The following PDE6C variants were observed in gnomAD, a reference collection of about 807,000 sequenced individuals.
PDE6C encodes phosphodiesterase 6C, also known as cone cGMP-specific 3',5'-cyclic phosphodiesterase subunit alpha'.
PDE6C carries 75 observed loss-of-function variants against 113.1 expected under a neutral mutation model. The ratio of observed to expected loss-of-function variants is 0.66; its 90% CI spans 0.55 to 0.80. The LOEUF is 0.80. PDE6C is among the 30% of genes least tolerant of loss of function. The pLI is 0.00. For missense variants in PDE6C, 912 were observed against 1,038.6 expected (o/e 0.88, Z 1.67); for synonymous variants, 375 against 363.7 (o/e 1.03, Z -0.35).
intron 14 of PDE6C, among the ~76,000 whole-genome samples, chr10:93,643,713 T>C (rs2058570332): frequency 7.0e-6 from 1 of 143,014 alleles, no homozygotes; most frequent in South Asian, 2.3e-4. Flanking sequence ...TTTTTTTTTT[T>C]CACTAAATCA....
At position 93,612,639 on chromosome 10, in the gene PDE6C, A is replaced by T; in HGVS notation, c.-87A>T. On this transcript the variant is annotated 5_prime_UTR_variant, in exon 1 of 22. Transcript: ENST00000371447. ...TACGGTTTCCTCAGTAATTTCCACC[A>T]GGATGAATTTCCTTCTCATCACTCT... 6.3e-7 allele frequency: 1 copy of T among 1,576,498 alleles called. No individual in the cohort carries two copies. Among genetic ancestry groups the T allele is most frequent in the Non-Finnish European group, 8.7e-7 (1 of 1,150,854 alleles).
chr10:93,616,589 A>G (rs1053634041), intron 1 of PDE6C, among the ~76,000 whole-genome samples: 1 of 151,552 alleles, frequency 6.6e-6, no homozygotes, highest in Non-Finnish European at 1.5e-5. Flanking sequence ...GGAGCTGGAT[A>G]TGGTTGGCCA....
chr10:93,634,729 A>G (rs1192497247), intron 8 of PDE6C, 29 bp from the exon 9 acceptor site: 1 of 1,613,588 alleles, frequency 6.2e-7, no homozygotes, highest in Admixed American at 1.7e-5. Flanking sequence ...AAGGCAAAAA[A>G]ATAACTTGAG....
At chr10:93,656,486 A>G (rs2058638304) in intron 16 of PDE6C, among the ~76,000 whole-genome samples, 1 of 152,192 alleles carries the variant, frequency 6.6e-6, no homozygotes, top group African/African-American at 2.4e-5. Context: ...TGAACTAGTT[A>G]TAGGATGGAA....
At chr10:93,627,045 C>T (rs2134599567) in intron 7 of PDE6C, among the ~76,000 whole-genome samples, 174 bp downstream of exon 7, 1 of 152,022 alleles carries the variant, frequency 6.6e-6, no homozygotes, top group Admixed American at 6.5e-5. Flanking sequence ...GGCGAATCAT[C>T]TGAGGTCAGG....
At chr10:93,633,481 T>TA (rs1242042206) in intron 8 of PDE6C, among the ~76,000 whole-genome samples, 28 of 135,762 alleles carry the variant, frequency 2.1e-4, no homozygotes, top group Non-Finnish European at 2.9e-4. Context: ...AAAAAAAAAA[T>TA]AAAAAAAAAT....
At chr10:93,621,288 G>T (rs1290669942) in intron 3 of PDE6C, among the ~76,000 whole-genome samples, 1 of 152,174 alleles carries the variant, frequency 6.6e-6, no homozygotes, top group African/African-American at 2.4e-5. Flanking sequence ...TCAGATGGTT[G>T]TTGTGACTAT....
At chr10:93,619,125 T>C (rs773667313) in intron 1 of PDE6C, among the ~76,000 whole-genome samples, 1 of 152,208 alleles carries the variant, frequency 6.6e-6, no homozygotes, top group Non-Finnish European at 1.5e-5. Flanking sequence ...AAATGATAAC[T>C]AATAAGATAA....
At chr10:93,652,648 G>A (rs1161061114) in intron 15 of PDE6C, among the ~76,000 whole-genome samples, 1 of 152,012 alleles carries the variant, frequency 6.6e-6, no homozygotes, top group Non-Finnish European at 1.5e-5. Flanking sequence ...TATTATTTTG[G>A]ATTGGAAAAA....
Position 93,654,790 on chromosome 10 carries a change from CTTTCTTTCTTTCTTTCTTTCT to C in PDE6C, c.1936-966_1936-946del, listed in dbSNP as rs1462756211. The stretch of plus-strand genomic sequence containing the variant: ...TCTTTCTTTCTTTCTTTCTTTCTTT[CTTTCTTTCTTTCTTTCTTTCT>C]TTTTTTTTTTTTTTGAAACAGGGTC... On this transcript the variant is annotated intron_variant, in intron 15 of 21. Transcript: ENST00000371447. Among the ~76,000 whole-genome samples, 91 of 69,100 alleles carry C rather than the reference CTTTCTTTCTTTCTTTCTTTCT, an allele frequency of 1.3e-3. 1 individual carries two copies. Among genetic ancestry groups the C allele is most frequent in the East Asian group, 8.5e-3 (12 of 1,420 alleles). 45.3% of individuals were successfully genotyped at this position (69,100 alleles called of 152,430 possible). A position where few individuals can be genotyped will look rare whatever the true frequency, so the allele number is the denominator to read the frequency against.
In PDE6C at chr10:93,665,577, G is replaced by T; in HGVS notation, c.*159G>T. On this transcript the variant is annotated 3_prime_UTR_variant, in exon 22 of 22. Coordinates refer to ENST00000371447, the MANE Select transcript of PDE6C (RefSeq NM_006204.4). ...TATATTGCTAGCCCAAAAATCCCAG[G>T]GGCAAAATAAAGTTCAACAAAAGTG... 1.6e-6 allele frequency: 1 copy of T among 613,804 alleles called. No individual in the cohort carries two copies. The highest frequency in any genetic ancestry group is 2.9e-6 in the Non-Finnish European group (1 of 347,734). 38.0% of individuals were successfully genotyped at this position (613,804 alleles called of 1,614,324 possible).
chr10:93,646,183 G>GA, intron 15 of PDE6C, 136 bp downstream of exon 15: 1 of 642,054 alleles, frequency 1.6e-6, no homozygotes, highest in African/African-American at 1.8e-5. Flanking sequence ...TCAATTGATA[G>GA]AAATTGCTAT....
chr10:93,612,960 G>T lies in PDE6C; in HGVS notation c.235G>T (p.Gly79Trp). The T allele has an allele frequency of 2.5e-6, 4 of 1,613,992 alleles. No individual in the cohort carries two copies. Among genetic ancestry groups the T allele is most frequent in the Non-Finnish European group, 3.4e-6 (4 of 1,179,982 alleles). Residue 79 changes from glycine (G) to tryptophan (W), a missense_variant, in exon 1 of 22, where the codon GGG (glycine) becomes TGG (tryptophan). Gly to Trp is a radical substitution (Grantham distance 184). Transcript: ENST00000371447. ...GGAGGAGGGGGGCACCCCAGAGCAG[G>T]GGGTTCACAGGGCCCTGCAGAGGCT... ...VQEEGGTPEQ[G>W]VHRALQRLAH...
chr10:93,659,618 G>A (rs924034272), intron 18 of PDE6C, among the ~76,000 whole-genome samples: 6 of 152,180 alleles, frequency 3.9e-5, no homozygotes, highest in East Asian at 1.9e-4. Context: ...AAGAGAGAGC[G>A]TGTGCAGGGG....
At chr10:93,636,267 T>TG (rs913952765) in intron 10 of PDE6C, among the ~76,000 whole-genome samples, 2 of 152,126 alleles carry the variant, frequency 1.3e-5, no homozygotes, top group Non-Finnish European at 2.9e-5. Flanking sequence ...TTATAGATGA[T>TG]GGGGGAGCAA....
chr10:93,632,037 C>T (rs2058504162), intron 8 of PDE6C, among the ~76,000 whole-genome samples: 1 of 152,174 alleles, frequency 6.6e-6, no homozygotes, highest in African/African-American at 2.4e-5. Flanking sequence ...ATCTCCTTGC[C>T]TTTTCCAGCT....
intron 10 of PDE6C, among the ~76,000 whole-genome samples, 161 bp from the exon 11 acceptor site, chr10:93,636,834 C>G (rs953568062): frequency 1.3e-5 from 2 of 152,138 alleles, no homozygotes; most frequent in East Asian, 1.9e-4. Context: ...GTGGTGCCAT[C>G]ATAGCTCACT....
In PDE6C at chr10:93,661,916, C is replaced by T. The variant is rs60863849; in HGVS notation, c.2209-143C>T. The T allele has an allele frequency of 4.5e-3, 3,123 of 700,420 alleles. 77 individuals are homozygous for T. In the African/African-American group the frequency reaches 0.049, roughly 11 times the overall value. The allele number at this position is 700,420 out of a possible 1,614,324, so 43.4% of individuals were successfully genotyped here. A position where few individuals can be genotyped will look rare whatever the true frequency, so the allele number is the denominator to read the frequency against. Reference sequence around the variant, plus strand: ...TTTCAATATAATCTGTAAATGACCTCTTTTTAAAAGTTAAGAGCATACGGT... The same window carrying T: ...TTTCAATATAATCTGTAAATGACCTTTTTTTAAAAGTTAAGAGCATACGGT... On this transcript the variant is annotated intron_variant, in intron 18 of 21. Coordinates refer to ENST00000371447, the MANE Select transcript of PDE6C (RefSeq NM_006204.4).
At position 93,627,536 on chromosome 10, in the gene PDE6C, G is replaced by A. The variant is rs1197791782; in HGVS notation, c.1071+665G>A. ...GTCAATTTTTTAAAGCATAAATATGGGGGATGGGGTGGGGATGGTGTGGGA... is the reference window on the plus strand; with the variant it reads ...GTCAATTTTTTAAAGCATAAATATGAGGGATGGGGTGGGGATGGTGTGGGA... On this transcript the variant is annotated intron_variant, in intron 7 of 21. Coordinates refer to ENST00000371447, the MANE Select transcript of PDE6C (RefSeq NM_006204.4). Among the ~76,000 whole-genome samples, 17 of 152,090 alleles carry A rather than the reference G, an allele frequency of 1.1e-4. 1 individual carries two copies. The highest frequency in any genetic ancestry group is 1.1e-3 in the Admixed American group (17 of 15,266).
Sources: gnomAD v4.1 joint callset for allele counts (sites outside exome capture counted in the v4.1 genomes callset) on GRCh38, gnomAD v4.1.1 for gene constraint, MANE v1.5 for transcripts, NCBI Gene and HGNC (gene_info 2026-07-23, HGNC 2026-07-21) for gene names.